Variants in ERBB4 observed in about 807,000 individuals in gnomAD.
ERBB4 encodes the protein receptor tyrosine-protein kinase erbB-4.
In ERBB4, 42 loss-of-function variants were observed where a neutral mutation model predicts 158.0. The observed-to-expected ratio is 0.27, with a 90% CI of 0.21 to 0.34. The LOEUF (loss-of-function observed/expected upper bound fraction) is 0.34, where lower values mean the gene tolerates loss of function less well. Among genes scored for constraint, ERBB4 ranks in the 10% least tolerant of loss-of-function variants. The pLI, the probability that ERBB4 is intolerant of heterozygous loss-of-function variation, is 1.00. For synonymous variants in ERBB4, 583 were observed against 558.7 expected, an observed-to-expected ratio of 1.04 and a Z score of -0.61; for missense variants, 1,333 against 1,624.1, an observed-to-expected ratio of 0.82 and a Z score of 3.08.
chr2:211,758,648 G>A (rs2075338818), intron 4 of ERBB4, among the ~76,000 whole-genome samples: 1 of 152,200 alleles, frequency 6.6e-6, no homozygotes, highest in African/African-American at 2.4e-5. Context: ...ATACTGAGAT[G>A]TGTCAGCTTT....
In ERBB4 at chr2:211,403,481, C is replaced by T. The variant is rs1488063773; in HGVS notation, c.3136-15489G>A. The stretch of plus-strand genomic sequence containing the variant: ...TCAGAGTGTTCATGCTCATTGGTAT[C>T]ACTGAGATTGCAATTATGCCTGGCT... On this transcript the variant is annotated intron_variant, in intron 25 of 27. Coordinates refer to ENST00000342788, the MANE Select transcript of ERBB4 (RefSeq NM_005235.3). 3.9e-5 allele frequency among the ~76,000 whole-genome samples: 6 copies of T among 152,098 alleles called. No individual in the cohort carries two copies. The South Asian group carries it at 1.2e-3, about 31-fold the overall frequency.
intron 1 of ERBB4, among the ~76,000 whole-genome samples, chr2:212,177,999 A>T: frequency 6.6e-6 from 1 of 151,194 alleles, no homozygotes; most frequent in Admixed American, 6.6e-5. Flanking sequence ...AGGGTTGTTC[A>T]TGGAGGAATG....
chr2:211,387,261 G>A, intron 26 of ERBB4, 111 bp from the exon 27 acceptor site: 1 of 930,064 alleles, frequency 1.1e-6, no homozygotes, highest in Non-Finnish European at 1.8e-6. Context: ...AATAGTCATA[G>A]TATTTACTGG....
chr2:212,514,998 T>C (rs1197507577), intron 1 of ERBB4, among the ~76,000 whole-genome samples: 1 of 152,228 alleles, frequency 6.6e-6, no homozygotes, highest in African/African-American at 2.4e-5. Flanking sequence ...AAGGAGCATA[T>C]ATTTAATTTC....
rs1162696453 is a variant in ERBB4 at position 211,375,943 on chromosome 2, A to T, written c.*7672T>A. ...AGAACTAACGGAAAAGCCTAATTAC[A>T]TAAATGTAAAATACTGTTTCTCCCT... On this transcript the variant is annotated 3_prime_UTR_variant, in exon 28 of 28. Coordinates refer to ENST00000342788, the MANE Select transcript of ERBB4 (RefSeq NM_005235.3). 8.6e-6 allele frequency: 2 copies of T among 232,926 alleles called. No homozygotes were observed. Among genetic ancestry groups the T allele is most frequent in the Non-Finnish European group, 1.7e-5 (2 of 117,596 alleles). The allele number at this position is 232,926 out of a possible 1,614,324, so 14.4% of individuals were successfully genotyped here.
intron 12 of ERBB4, among the ~76,000 whole-genome samples, chr2:211,688,522 G>A (rs768569839): frequency 6.6e-6 from 1 of 152,090 alleles, no homozygotes; most frequent in Admixed American, 6.6e-5. Context: ...CCAGTCTATT[G>A]CAAACTATTG....
At chr2:211,467,875 A>AAATATGCAGGGAAATTGGGCC (rs1350387341) in intron 20 of ERBB4, among the ~76,000 whole-genome samples, 2 of 152,168 alleles carry the variant, frequency 1.3e-5, no homozygotes, top group Non-Finnish European at 2.9e-5. Flanking sequence ...GTGATTCCCA[A>AAATATGCAGGGAAATTGGGCC]AATATGCAGG....
At chr2:212,201,520 G>GA (rs1251860825) in intron 1 of ERBB4, among the ~76,000 whole-genome samples, 2 of 151,928 alleles carry the variant, frequency 1.3e-5, no homozygotes, top group African/African-American at 4.8e-5. Context: ...GAAATGATGA[G>GA]AAAAATGTAA....
chr2:211,833,245 A>G (rs966163453), intron 3 of ERBB4, among the ~76,000 whole-genome samples: 1 of 152,152 alleles, frequency 6.6e-6, no homozygotes, highest in African/African-American at 2.4e-5. Context: ...TAAGTACTCT[A>G]GAAATAAGGC....
At chr2:212,094,804 C>G (rs1469392113) in intron 2 of ERBB4, among the ~76,000 whole-genome samples, 1 of 151,934 alleles carries the variant, frequency 6.6e-6, no homozygotes, top group Non-Finnish European at 1.5e-5. Flanking sequence ...GATAAAGACA[C>G]AAAATGGACT....
intron 1 of ERBB4, among the ~76,000 whole-genome samples, chr2:212,463,113 A>G (rs1028357365): frequency 5.3e-5 from 8 of 152,118 alleles, no homozygotes; most frequent in African/African-American, 1.9e-4. Flanking sequence ...GGATCATGGA[A>G]GGAGGTATGG....
In ERBB4 at chr2:211,492,149, C is replaced by G. The variant is rs562042309; in HGVS notation, c.2488-61049G>C. On this transcript the variant is annotated intron_variant, in intron 20 of 27. Transcript: ENST00000342788. The stretch of plus-strand genomic sequence containing the variant: ...TTACCAGCTAAAGAGATGTGTCAGT[C>G]AGAAGGCTAGACTGCCTTGGGAGCC... 2.4e-4 allele frequency among the ~76,000 whole-genome samples: 36 copies of G among 152,078 alleles called. 1 individual carries two copies. In the South Asian group the frequency reaches 7.5e-3, roughly 32 times the overall value.
intron 19 of ERBB4, among the ~76,000 whole-genome samples, chr2:211,566,426 G>C (rs1183661569): frequency 6.6e-6 from 1 of 152,156 alleles, no homozygotes; most frequent in Non-Finnish European, 1.5e-5. Flanking sequence ...CCAGGGTTTT[G>C]CATAATTAGC....
intron 25 of ERBB4, among the ~76,000 whole-genome samples, chr2:211,407,715 A>C (rs755401966): frequency 6.6e-6 from 1 of 152,230 alleles, no homozygotes; most frequent in Non-Finnish European, 1.5e-5. Flanking sequence ...TCTGAATAAA[A>C]ACGACAGAAC....
At chr2:212,232,851 C>T (rs923313933) in intron 1 of ERBB4, among the ~76,000 whole-genome samples, 3 of 152,176 alleles carry the variant, frequency 2.0e-5, no homozygotes, top group African/African-American at 7.2e-5. Context: ...AAGAAGAAAA[C>T]AGGGTAAGAT....
chr2:212,225,379 C>A (rs1258266943), intron 1 of ERBB4, among the ~76,000 whole-genome samples: 1 of 151,932 alleles, frequency 6.6e-6, no homozygotes, highest in East Asian at 1.9e-4. Flanking sequence ...TCATTGCTAC[C>A]ATTTACATGA....
chr2:211,947,288 T>C (rs2080727141), intron 3 of ERBB4, 142 bp downstream of exon 3: 2 of 722,376 alleles, frequency 2.8e-6, no homozygotes, highest in Non-Finnish European at 2.3e-6. Flanking sequence ...CAGGGCATCA[T>C]TGCTTATAAA....
rs1472005819 is a variant in ERBB4 at position 212,029,036 on chromosome 2, A to G, written c.235-81420T>C. Among the ~76,000 whole-genome samples the G allele has an allele frequency of 2.0e-5, 3 of 152,036 alleles. No homozygotes were observed. In the East Asian group the frequency reaches 5.8e-4, roughly 29 times the overall value. On this transcript the variant is annotated intron_variant, in intron 2 of 27. Transcript: ENST00000342788. ...TGCACGATGTAAGTTTACCATTGCC[A>G]TGGTAACACCCGGGCGTTGCCTCCC...
intron 1 of ERBB4, among the ~76,000 whole-genome samples, chr2:212,309,099 T>A (rs1452958134): frequency 6.6e-6 from 1 of 150,912 alleles, no homozygotes; most frequent in Non-Finnish European, 1.5e-5. Context: ...CAAGCTCACC[T>A]AACATCAGTG....
Sources: gnomAD v4.1 joint callset for allele counts (sites outside exome capture counted in the v4.1 genomes callset) on GRCh38, gnomAD v4.1.1 for gene constraint, MANE v1.5 for transcripts, NCBI Gene and HGNC (gene_info 2026-07-23, HGNC 2026-07-21) for gene names.